DLG2: variants seen among roughly 807,000 people sequenced by gnomAD.
The protein encoded by DLG2 is discs large MAGUK scaffold protein 2, also known as disks large homolog 2.
DLG2 carries 45 observed loss-of-function variants against 132.5 expected under a neutral mutation model. The observed-to-expected ratio is 0.34, with a 90% CI of 0.27 to 0.44. The LOEUF (loss-of-function observed/expected upper bound fraction) is 0.44. DLG2 is among the 20% of genes least tolerant of loss of function. DLG2 has a pLI of 1.00. For synonymous variants in DLG2, 424 were observed against 419.6 expected, an observed-to-expected ratio of 1.01 and a Z score of -0.13; for missense variants, 1,045 against 1,196.9, an observed-to-expected ratio of 0.87 and a Z score of 1.87.
chr11:84,456,647 C>T (rs1232521995), intron 7 of DLG2, among the ~76,000 whole-genome samples: 1 of 151,406 alleles, frequency 6.6e-6, no homozygotes, highest in African/African-American at 2.4e-5. Context: ...TCCTTCAAGT[C>T]TTCACTAAAG....
intron 3 of DLG2, among the ~76,000 whole-genome samples, chr11:85,517,186 T>A (rs753621108): frequency 3.4e-4 from 51 of 151,938 alleles, no homozygotes; most frequent in Non-Finnish European, 6.3e-4. Context: ...GATATGATCA[T>A]CTCAATAGAT....
chr11:83,838,173 C>T (rs2056730063), intron 16 of DLG2, among the ~76,000 whole-genome samples: 3 of 152,078 alleles, frequency 2.0e-5, no homozygotes, highest in South Asian at 2.1e-4. Context: ...ACTGATTTTG[C>T]AACTACTTTA....
chr11:84,643,367 A>G (rs1319985840), intron 6 of DLG2, among the ~76,000 whole-genome samples: 1 of 152,248 alleles, frequency 6.6e-6, no homozygotes, highest in African/African-American at 2.4e-5. Context: ...GAGAGCAGTT[A>G]TAACCATTAC....
At chr11:84,185,009 C>A (rs1482157281) in intron 8 of DLG2, among the ~76,000 whole-genome samples, 3 of 152,142 alleles carry the variant, frequency 2.0e-5, no homozygotes, top group South Asian at 2.1e-4. Flanking sequence ...TAGCGTGATG[C>A]CTCTGGCTTT....
chr11:83,841,630 T>A (rs1018166453), intron 16 of DLG2, among the ~76,000 whole-genome samples: 3 of 152,216 alleles, frequency 2.0e-5, no homozygotes, highest in Non-Finnish European at 2.9e-5. Flanking sequence ...GGCATTTGCT[T>A]TTTGTCTCCA....
intron 6 of DLG2, among the ~76,000 whole-genome samples, chr11:85,057,874 A>G (rs979391298): frequency 2.0e-5 from 3 of 151,656 alleles, no homozygotes; most frequent in Admixed American, 1.3e-4. Flanking sequence ...ATAGATACAG[A>G]AAATATACTT....
At chr11:85,408,248 C>A (rs1418979248) in intron 3 of DLG2, among the ~76,000 whole-genome samples, 1 of 149,740 alleles carries the variant, frequency 6.7e-6, no homozygotes, top group Non-Finnish European at 1.5e-5. Context: ...AGAGTTTAAT[C>A]ATAACTTATT....
chr11:84,711,702 T>C (rs2060474052), intron 6 of DLG2, among the ~76,000 whole-genome samples: 1 of 151,978 alleles, frequency 6.6e-6, no homozygotes, highest in South Asian at 2.1e-4. Context: ...AGGCTTTTTG[T>C]TCTATTCAGG....
chr11:83,748,471 C>A (rs543100131), intron 18 of DLG2, among the ~76,000 whole-genome samples: 1 of 152,178 alleles, frequency 6.6e-6, no homozygotes, highest in Non-Finnish European at 1.5e-5. Context: ...ACTGTATTAG[C>A]CCTCCTGTTT....
At position 85,150,228 on chromosome 11, in the gene DLG2, G is replaced by T. The variant is rs557846151; in HGVS notation, c.282+4328C>A. 2.0e-5 allele frequency among the ~76,000 whole-genome samples: 3 copies of T among 151,854 alleles called. No individual in the cohort carries two copies. In the East Asian group the frequency reaches 5.8e-4, roughly 29 times the overall value. ...GTAGAGACAGGGTTTCACCGTGTTA[G>T]CCAGGAAGGTCTCGATCTCCTGACC... On this transcript the variant is annotated intron_variant, in intron 5 of 27. Transcript: ENST00000376104.
At chr11:83,701,069 G>A (rs2082849293) in intron 18 of DLG2, among the ~76,000 whole-genome samples, 1 of 152,166 alleles carries the variant, frequency 6.6e-6, no homozygotes, top group Admixed American at 6.5e-5. Flanking sequence ...TTTGTTAGAT[G>A]CTTCTTTAAG....
At chr11:84,018,981 T>C (rs2095304874) in intron 11 of DLG2, among the ~76,000 whole-genome samples, 1 of 151,950 alleles carries the variant, frequency 6.6e-6, no homozygotes, top group African/African-American at 2.4e-5. Flanking sequence ...AGTGGTTACT[T>C]TCAGAAGGAG....
chr11:85,199,326 C>T (rs1000027230), intron 4 of DLG2, among the ~76,000 whole-genome samples: 20 of 152,084 alleles, frequency 1.3e-4, no homozygotes, highest in Non-Finnish European at 2.5e-4. Context: ...TTTCTATTTA[C>T]AAGAAGTTCT....
intron 21 of DLG2, among the ~76,000 whole-genome samples, chr11:83,510,823 A>ACCATC (rs1477551318): frequency 1.5e-5 from 2 of 136,678 alleles, no homozygotes; most frequent in Non-Finnish European, 3.1e-5. Flanking sequence ...AAGTTTCTGA[A>ACCATC]CCATCCGTTT....
chr11:85,173,891 G>C (rs1207658821), intron 4 of DLG2, among the ~76,000 whole-genome samples: 1 of 152,130 alleles, frequency 6.6e-6, no homozygotes, highest in Non-Finnish European at 1.5e-5. Context: ...TTACACAAGG[G>C]TAAAGGGTTC....
chr11:84,106,813 CTGTG>C (rs71066090), intron 9 of DLG2, among the ~76,000 whole-genome samples: 5,689 of 132,514 alleles, frequency 0.043, 96 homozygotes, highest in Admixed American at 0.053. Flanking sequence ...AGATTATTAT[CTGTG>C]TGTGTGTGTG....
chr11:83,843,652 T>C (rs2058063020), intron 16 of DLG2, among the ~76,000 whole-genome samples: 1 of 151,954 alleles, frequency 6.6e-6, no homozygotes, highest in African/African-American at 2.4e-5. Context: ...GATACTGAGT[T>C]CTAGTTCTGG....
At chr11:84,897,865 G>T (rs1590867486) in intron 6 of DLG2, among the ~76,000 whole-genome samples, 2 of 151,840 alleles carry the variant, frequency 1.3e-5, no homozygotes, top group East Asian at 3.9e-4. Context: ...TGGGTAAAAT[G>T]GTCCAGAGAT....
chr11:83,799,893 G>A (rs2043888817), intron 17 of DLG2, among the ~76,000 whole-genome samples: 2 of 152,134 alleles, frequency 1.3e-5, no homozygotes, highest in Admixed American at 1.3e-4. Flanking sequence ...TCAGTACCCT[G>A]GTCAAATTAG....
Sources: allele counts gnomAD v4.1 joint callset (sites outside exome capture counted in the v4.1 genomes callset), GRCh38; gene constraint gnomAD v4.1.1; transcripts MANE v1.5; gene names NCBI Gene and HGNC (gene_info 2026-07-23, HGNC 2026-07-21).